The following ADCY2 variants were observed in gnomAD, a reference collection of about 807,000 sequenced individuals.
The protein encoded by ADCY2 is adenylate cyclase type 2.
A neutral mutation model predicts 125.2 loss-of-function variants in ADCY2; 31 were observed. The ratio of observed to expected loss-of-function variants is 0.25; its 90% confidence interval spans 0.19 to 0.33. The LOEUF is 0.33. ADCY2 is among the 10% of genes least tolerant of loss of function. ADCY2 has a pLI of 1.00. For synonymous variants in ADCY2, 512 were observed against 548.4 expected (o/e 0.93, Z 0.93); for missense variants, 904 against 1,418.2 (o/e 0.64, Z 5.82).
intron 3 of ADCY2, among the ~76,000 whole-genome samples, chr5:7,526,631 G>T (rs542137368): frequency 6.6e-6 from 1 of 152,102 alleles, no homozygotes; most frequent in East Asian, 1.9e-4. Context: ...AGGGAGAAAA[G>T]GTAGAACAAG....
chr5:7,762,073 A>T (rs186955257), intron 16 of ADCY2, among the ~76,000 whole-genome samples: 2 of 152,310 alleles, frequency 1.3e-5, no homozygotes, highest in Admixed American at 1.3e-4. Flanking sequence ...TAGGAGCAGG[A>T]AATAAGCTAA....
intron 4 of ADCY2, among the ~76,000 whole-genome samples, chr5:7,638,008 A>G (rs1738567414): frequency 6.6e-6 from 1 of 152,184 alleles, no homozygotes; most frequent in Admixed American, 6.5e-5. Context: ...AAAATAAAAA[A>G]GCCACAGGTG....
rs549292147 is a variant in ADCY2 at position 7,646,895 on chromosome 5, C to T, written c.720+20579C>T. Among the ~76,000 whole-genome samples the T allele has an allele frequency of 7.9e-5, 12 of 152,288 alleles. No individual in the cohort carries two copies. The South Asian group carries it at 2.5e-3, about 32-fold the overall frequency. On this transcript the variant is annotated intron_variant, in intron 4 of 24. Transcript: ENST00000338316. ...TGAGCAAATGGGCAATTTCGGCCACCATCTTGAAGGCCAGACTCAAGGACA... is the reference window on the plus strand; with the variant it reads ...TGAGCAAATGGGCAATTTCGGCCACTATCTTGAAGGCCAGACTCAAGGACA...
chr5:7,748,196 C>T (rs978663662), intron 15 of ADCY2, among the ~76,000 whole-genome samples: 3 of 152,114 alleles, frequency 2.0e-5, no homozygotes, highest in African/African-American at 7.2e-5. Flanking sequence ...GGGACCTTCT[C>T]CAGATGGCTT....
chr5:7,431,778 C>A (rs1340773275), intron 2 of ADCY2, among the ~76,000 whole-genome samples: 1 of 152,106 alleles, frequency 6.6e-6, no homozygotes, highest in Non-Finnish European at 1.5e-5. Context: ...TCAAAAAATA[C>A]TTTATCATGG....
chr5:7,684,052 G>T (rs144697211), intron 4 of ADCY2, among the ~76,000 whole-genome samples: 5 of 152,256 alleles, frequency 3.3e-5, no homozygotes, highest in African/African-American at 9.6e-5. Context: ...GCCTCTACTG[G>T]CATTGCCCCT....
intron 2 of ADCY2, among the ~76,000 whole-genome samples, chr5:7,464,978 ATG>A (rs1333781116): frequency 1.9e-4 from 29 of 152,322 alleles, no homozygotes; most frequent in Middle Eastern, 3.4e-3. Flanking sequence ...GGCAAAAGGC[ATG>A]TCTTACATGG....
intron 1 of ADCY2, among the ~76,000 whole-genome samples, chr5:7,409,366 T>C (rs1739625563): frequency 1.3e-5 from 2 of 152,188 alleles, no homozygotes; most frequent in African/African-American, 4.8e-5. Flanking sequence ...ATCTGCACAA[T>C]TACCCCTGAA....
At chr5:7,770,120 A>G (rs1043638550) in intron 17 of ADCY2, among the ~76,000 whole-genome samples, 36 of 152,236 alleles carry the variant, frequency 2.4e-4, no homozygotes, top group Non-Finnish European at 4.1e-4. Context: ...CATTCTAGAA[A>G]GCCATTTAAC....
At chr5:7,716,554 T>C (rs1335440342) in intron 11 of ADCY2, among the ~76,000 whole-genome samples, 2 of 152,258 alleles carry the variant, frequency 1.3e-5, no homozygotes, top group African/African-American at 2.4e-5. Flanking sequence ...ACATCTTTAC[T>C]ATCCCAAAAA....
intron 2 of ADCY2, among the ~76,000 whole-genome samples, chr5:7,476,258 G>C (rs986801961): frequency 3.9e-5 from 6 of 152,092 alleles, no homozygotes; most frequent in Non-Finnish European, 5.9e-5. Context: ...GGAGCTTGGG[G>C]CTGGGTGACT....
rs70940743 is a variant in ADCY2 at position 7,506,789 on chromosome 5, C to CTTTTTTTTTTTT, written c.409-13931_409-13920dup. On this transcript the variant is annotated intron_variant, in intron 2 of 24. Coordinates refer to ENST00000338316, the MANE Select transcript of ADCY2 (RefSeq NM_020546.3). ...AGGGGTAAATGTGTGATGCGTTGCT[C>CTTTTTTTTTTTT]TTTTTTTTTTTTTTTTTTTTTTTTT... 2.0e-4 allele frequency among the ~76,000 whole-genome samples: 11 copies of CTTTTTTTTTTTT among 55,020 alleles called. 1 individual carries two copies. The highest frequency in any genetic ancestry group is 2.9e-4 in the Non-Finnish European group (9 of 30,662). The allele number at this position is 55,020 out of a possible 152,430, so 36.1% of individuals were successfully genotyped here. A position where few individuals can be genotyped will look rare whatever the true frequency, so the allele number is the denominator to read the frequency against.
chr5:7,770,502 T>C (rs145279991), intron 17 of ADCY2, among the ~76,000 whole-genome samples: 1 of 152,368 alleles, frequency 6.6e-6, no homozygotes, highest in East Asian at 1.9e-4. Flanking sequence ...AGGACTTTAG[T>C]TTATCATAAT....
rs573903451 is a variant in ADCY2 at position 7,574,565 on chromosome 5, T to C, written c.571-51602T>C. ...GTAGCTAACAGATGCAAATATCTTC[T>C]TTACAATGTTTAAATTAAAGCATCC... On this transcript the variant is annotated intron_variant, in intron 3 of 24. Coordinates refer to ENST00000338316, the MANE Select transcript of ADCY2 (RefSeq NM_020546.3). Among the ~76,000 whole-genome samples the C allele has an allele frequency of 1.2e-4, 18 of 152,292 alleles. No individual in the cohort carries two copies. The South Asian group carries it at 3.7e-3, about 32-fold the overall frequency.
chr5:7,473,914 G>A (rs1002359244), intron 2 of ADCY2, among the ~76,000 whole-genome samples: 3 of 152,286 alleles, frequency 2.0e-5, no homozygotes, highest in Non-Finnish European at 2.9e-5. Flanking sequence ...GGTCTTAGCA[G>A]TTCATTAAAG....
At chr5:7,535,243 A>T (rs1734778210) in intron 3 of ADCY2, among the ~76,000 whole-genome samples, 1 of 152,174 alleles carries the variant, frequency 6.6e-6, no homozygotes, top group Non-Finnish European at 1.5e-5. Flanking sequence ...GGGTTTCACC[A>T]TGTTGGCCAG....
At chr5:7,543,945 C>T (rs773939553) in intron 3 of ADCY2, among the ~76,000 whole-genome samples, 10 of 136,628 alleles carry the variant, frequency 7.3e-5, no homozygotes, top group Admixed American at 3.4e-4. Flanking sequence ...ACCCGGGAGT[C>T]GGAGGTTGCA....
chr5:7,484,755 A>T (rs1172335013), intron 2 of ADCY2, among the ~76,000 whole-genome samples: 1 of 152,092 alleles, frequency 6.6e-6, no homozygotes, highest in African/African-American at 2.4e-5. Context: ...TCAGCTACCC[A>T]GCTGTTTTTG....
At chr5:7,818,357 T>C (rs1275073972) in intron 23 of ADCY2, among the ~76,000 whole-genome samples, 1 of 150,488 alleles carries the variant, frequency 6.6e-6, no homozygotes, top group East Asian at 1.9e-4. Flanking sequence ...CTTTTTCTTT[T>C]TTTTTTTTTT....
Sources: allele counts gnomAD v4.1 joint callset (sites outside exome capture counted in the v4.1 genomes callset), GRCh38; gene constraint gnomAD v4.1.1; transcripts MANE v1.5; gene names NCBI Gene and HGNC (gene_info 2026-07-23, HGNC 2026-07-21).